NAALADL2: variants seen among roughly 807,000 people sequenced by gnomAD.
NAALADL2 encodes the protein inactive N-acetylated-alpha-linked acidic dipeptidase-like protein 2.
A neutral mutation model predicts 87.2 loss-of-function variants in NAALADL2; 76 were observed. The observed-to-expected ratio is 0.87, with a 90% CI of 0.72 to 1.05. NAALADL2 has a LOEUF of 1.05. NAALADL2 is among the 50% of genes least tolerant of loss of function. NAALADL2 has a pLI of 0.00. For synonymous variants in NAALADL2, 354 were observed against 331.0 expected (o/e 1.07, Z -0.75); for missense variants, 1,089 against 945.8 (o/e 1.15, Z -1.99).
At chr3:174,800,689 C>T (rs965080075) in intron 3 of NAALADL2, among the ~76,000 whole-genome samples, 1 of 152,146 alleles carries the variant, frequency 6.6e-6, no homozygotes, top group Non-Finnish European at 1.5e-5. Flanking sequence ...CAACATCTTG[C>T]ACTGTGCACC....
chr3:174,732,180 G>A (rs1324823456), intron 2 of NAALADL2, among the ~76,000 whole-genome samples: 1 of 152,154 alleles, frequency 6.6e-6, no homozygotes, highest in African/African-American at 2.4e-5. Context: ...GCTATGACAT[G>A]TGGAGGATAT....
chr3:175,206,313 C>A (rs1251701165), intron 2 of NAALADL2, among the ~76,000 whole-genome samples: 1 of 92,342 alleles, frequency 1.1e-5, no homozygotes, highest in Admixed American at 1.3e-4. Flanking sequence ...TATATATATA[C>A]ACATACATAC....
At chr3:175,394,711 A>T (rs1289904237) in intron 5 of NAALADL2, among the ~76,000 whole-genome samples, 1 of 152,188 alleles carries the variant, frequency 6.6e-6, no homozygotes, top group Admixed American at 6.5e-5. Flanking sequence ...CCCCAAGTGG[A>T]TGCCTGAAAC....
intron 9 of NAALADL2, among the ~76,000 whole-genome samples, chr3:175,486,780 C>A (rs1727340782): frequency 6.6e-6 from 1 of 152,102 alleles, no homozygotes; most frequent in Non-Finnish European, 1.5e-5. Flanking sequence ...TTAACTCTCA[C>A]TCAGTTGTTT....
intron 9 of NAALADL2, 143 bp from the exon 10 acceptor site, chr3:175,575,898 G>T: frequency 1.6e-6 from 1 of 627,362 alleles, no homozygotes. Context: ...GTAGGACAGT[G>T]TGGGGCCTAA....
At chr3:174,723,760 A>AC (rs1246209787) in intron 2 of NAALADL2, among the ~76,000 whole-genome samples, 1 of 121,994 alleles carries the variant, frequency 8.2e-6, no homozygotes, top group African/African-American at 2.8e-5. Context: ...CGTCTCAAAA[A>AC]AAAAAAAAAA....
rs150863247 is a variant in NAALADL2, at chr3:175,802,618, T to C, written c.2190-387T>C. ...CATTTGTCTTATAAAGTTTTCCACA[T>C]CTATATTTTGCTAATGACACATTGT... On this transcript the variant is annotated intron_variant, in intron 13 of 13. Coordinates refer to ENST00000454872, the MANE Select transcript of NAALADL2 (RefSeq NM_207015.3). 1.8e-3 allele frequency among the ~76,000 whole-genome samples: 265 copies of C among 151,148 alleles called. 3 individuals are homozygous for C. In the East Asian group the frequency reaches 0.045, roughly 26 times the overall value.
chr3:174,562,932 A>C (rs1384461818), intron 2 of NAALADL2, among the ~76,000 whole-genome samples: 1 of 152,162 alleles, frequency 6.6e-6, no homozygotes, highest in Non-Finnish European at 1.5e-5. Flanking sequence ...TTATCTTCAG[A>C]TCTAGCTAAA....
chr3:175,129,712 A>G (rs889287552), intron 2 of NAALADL2, among the ~76,000 whole-genome samples: 1 of 152,166 alleles, frequency 6.6e-6, no homozygotes, highest in Non-Finnish European at 1.5e-5. Flanking sequence ...TCCTTTATCC[A>G]TTCATCCGTT....
chr3:175,654,912 T>C (rs1731244638), intron 11 of NAALADL2, among the ~76,000 whole-genome samples: 1 of 151,826 alleles, frequency 6.6e-6, no homozygotes, highest in Non-Finnish European at 1.5e-5. Context: ...AGAATGAAAG[T>C]ACAGAAAAGT....
intron 2 of NAALADL2, among the ~76,000 whole-genome samples, chr3:175,155,868 G>A (rs150926469): frequency 1.3e-5 from 2 of 152,130 alleles, no homozygotes; most frequent in Admixed American, 6.6e-5. Context: ...CCCACGTAAC[G>A]GTAATGTCCA....
intron 2 of NAALADL2, among the ~76,000 whole-genome samples, chr3:174,594,045 T>C (rs1717641446): frequency 6.6e-6 from 1 of 152,202 alleles, no homozygotes; most frequent in South Asian, 2.1e-4. Flanking sequence ...CTAAATTCAA[T>C]GGTTCACTTG....
intron 10 of NAALADL2, among the ~76,000 whole-genome samples, chr3:175,590,686 T>G (rs560376899): frequency 1.5e-3 from 221 of 152,268 alleles, no homozygotes; most frequent in African/African-American, 5.2e-3. Context: ...TATCAGGGAC[T>G]GGCTTATGAA....
At chr3:175,707,486 T>C (rs1283511807) in intron 11 of NAALADL2, among the ~76,000 whole-genome samples, 1 of 151,918 alleles carries the variant, frequency 6.6e-6, no homozygotes, top group Non-Finnish European at 1.5e-5. Context: ...ACCTTTCTCA[T>C]CATCAACTTT....
chr3:174,503,084 G>A (rs1191563763), intron 1 of NAALADL2, among the ~76,000 whole-genome samples: 1 of 151,688 alleles, frequency 6.6e-6, no homozygotes, highest in Non-Finnish European at 1.5e-5. Flanking sequence ...CTTTGACAAC[G>A]TAAAAGGAAT....
chr3:175,250,474 A>T (rs921453411), intron 3 of NAALADL2, among the ~76,000 whole-genome samples: 4 of 152,150 alleles, frequency 2.6e-5, no homozygotes, highest in African/African-American at 9.7e-5. Flanking sequence ...GCCAATTCTC[A>T]GAGATTCTGG....
intron 1 of NAALADL2, among the ~76,000 whole-genome samples, chr3:174,944,777 G>T (rs1739154501): frequency 6.6e-6 from 1 of 152,138 alleles, no homozygotes; most frequent in Non-Finnish European, 1.5e-5. Context: ...TCACCTGGGG[G>T]TTGCAAATAT....
At chr3:174,618,416 T>G (rs1205130606) in intron 2 of NAALADL2, among the ~76,000 whole-genome samples, 2 of 151,896 alleles carry the variant, frequency 1.3e-5, no homozygotes, top group East Asian at 1.9e-4. Context: ...GGCCTTAATT[T>G]TTTTTCATTC....
intron 2 of NAALADL2, among the ~76,000 whole-genome samples, chr3:174,696,962 C>T (rs562054945): frequency 6.6e-6 from 1 of 152,022 alleles, no homozygotes; most frequent in African/African-American, 2.4e-5. Context: ...AGAACAAGAA[C>T]AAGGCAAATC....
Sources: allele counts gnomAD v4.1 joint callset (sites outside exome capture counted in the v4.1 genomes callset), GRCh38; gene constraint gnomAD v4.1.1; transcripts MANE v1.5; gene names NCBI Gene and HGNC (gene_info 2026-07-23, HGNC 2026-07-21).